The following CD22 variants were observed in gnomAD, a reference collection of about 807,000 sequenced individuals.
CD22 encodes the protein CD22 molecule, also known as B-cell receptor CD22.
In CD22, 51 loss-of-function variants were observed where a neutral mutation model predicts 94.7. The ratio of observed to expected loss-of-function variants is 0.54; its 90% confidence interval spans 0.43 to 0.68. The LOEUF is 0.68. CD22 is among the 30% of genes least tolerant of loss of function. The pLI is 0.00. For synonymous variants in CD22, 424 were observed against 422.5 expected, an observed-to-expected ratio of 1.00 and a Z score of -0.04; for missense variants, 931 against 1,060.4, an observed-to-expected ratio of 0.88 and a Z score of 1.69.
rs777598834 is a variant in CD22, at chr19:35,341,054, G to A, written c.1423G>A (p.Val475Ile). ...PSLGVLKIQNVGWDNTTIACA... is the reference protein window; with the variant it reads ...PSLGVLKIQNIGWDNTTIACA... ...GCTTGGGGTGCTGAAGATCCAAAACGTTGGCTGGGACAACACAACCATCGC... is the reference window on the plus strand; with the variant it reads ...GCTTGGGGTGCTGAAGATCCAAAACATTGGCTGGGACAACACAACCATCGC... Residue 475 changes from valine to isoleucine, a missense_variant, in exon 7 of 14, where the codon GTT (valine) becomes ATT (isoleucine). Coordinates refer to ENST00000085219, the MANE Select transcript of CD22 (RefSeq NM_001771.4). This position sits in a 1 kb window ranked among gnomAD's most constrained non-coding sequence, Gnocchi z 4.0. The A allele has an allele frequency of 1.2e-5, 20 of 1,614,080 alleles. No individual in the cohort carries two copies. Among genetic ancestry groups the A allele is most frequent in the African/African-American group, 1.1e-4 (8 of 74,938 alleles).
At position 35,338,180 on chromosome 19, in the gene CD22, C is replaced by T. The variant is rs1230198287; in HGVS notation, c.998C>T (p.Pro333Leu). 6.2e-7 allele frequency: 1 copy of T among 1,611,912 alleles called. No homozygotes were observed. The highest frequency in any genetic ancestry group is 1.7e-5 in the Admixed American group (1 of 59,952). Residue 333 changes from proline to leucine, a missense_variant, in exon 6 of 14, where the codon CCT (proline) becomes CTT (leucine). Coordinates refer to ENST00000085219, the MANE Select transcript of CD22 (RefSeq NM_001771.4). ...VFLQVQYAPE[P>L]STVQILHSPA... ...CCCCCTCTTCCAGATGCCCCGGAAC[C>T]TTCCACGGTTCAGATCCTCCACTCA...
At position 35,337,689 on chromosome 19, in the gene CD22, C is replaced by CTT; in HGVS notation, c.719-64_719-63dup. 5 of 1,435,916 alleles carry CTT rather than the reference C, an allele frequency of 3.5e-6. No individual in the cohort carries two copies. Among genetic ancestry groups the CTT allele is most frequent in the Non-Finnish European group, 3.8e-6 (4 of 1,053,468 alleles). 88.9% of individuals were successfully genotyped at this position (1,435,916 alleles called of 1,614,324 possible). ...CCATGGCTTTGTCAGAATAAAAGCA[C>CTT]TTTCCACACCCTCCACCCTCTGAGG... On this transcript the variant is annotated intron_variant, in intron 4 of 13. Coordinates refer to ENST00000085219, the MANE Select transcript of CD22 (RefSeq NM_001771.4). This position sits in a 1 kb window ranked among gnomAD's most constrained non-coding sequence, Gnocchi z 4.4.
At position 35,341,735 on chromosome 19, in the gene CD22, C is replaced by T. The variant is rs766903911; in HGVS notation, c.1805C>T (p.Pro602Leu). The T allele has an allele frequency of 4.3e-5, 70 of 1,610,910 alleles. No homozygotes were observed. Among genetic ancestry groups the T allele is most frequent in the Admixed American group, 2.8e-4 (17 of 59,992 alleles). The change falls in exon 9 of 14, where the codon CCG becomes CTG. Residue 602 changes from proline (P) to leucine (L), a missense_variant. Physicochemically the swap from Pro to Leu is moderately conservative, Grantham distance 98. Transcript: ENST00000085219. The surrounding 1 kb of genome is among the most constrained non-coding windows in gnomAD (Gnocchi z 4.0). ...AGGAGGCTGCGTGTGTCCATGAGCC[C>T]GGGGGACCAAGTGATGGAGGGGAAG... Reference protein sequence around the residue: ...APRRLRVSMSPGDQVMEGKSA... With the variant: ...APRRLRVSMSLGDQVMEGKSA...
chr19:35,338,453 G>C, intron 6 of CD22, 22 bp downstream of exon 6: 1 of 1,600,056 alleles, frequency 6.2e-7, no homozygotes, highest in Non-Finnish European at 8.5e-7. Context: ...CGGAGCCTCT[G>C]GTTCTAGGGA....
intron 9 of CD22, among the ~76,000 whole-genome samples, chr19:35,342,751 T>A (rs897571401): frequency 2.0e-5 from 3 of 152,108 alleles, no homozygotes; most frequent in Non-Finnish European, 4.4e-5. Flanking sequence ...CCTGTCTCTC[T>A]CTCTCTGACT....
At position 35,337,099 on chromosome 19, in the gene CD22, C is replaced by A. The variant is rs1409261943; in HGVS notation, c.719-656C>A. Reference sequence around the variant, plus strand: ...GTAAAAATACAAAAAATTAGCCAGGCATGATGGCAGGCGCCTGTAGTCCCA... The same window carrying A: ...GTAAAAATACAAAAAATTAGCCAGGAATGATGGCAGGCGCCTGTAGTCCCA... On this transcript the variant is annotated intron_variant, in intron 4 of 13. Coordinates refer to ENST00000085219, the MANE Select transcript of CD22 (RefSeq NM_001771.4). This position sits in a 1 kb window ranked among gnomAD's most constrained non-coding sequence, Gnocchi z 4.4. Among the ~76,000 whole-genome samples the A allele has an allele frequency of 6.6e-6, 1 of 152,056 alleles. No homozygotes were observed. Among genetic ancestry groups the A allele is most frequent in the Non-Finnish European group, 1.5e-5 (1 of 68,002 alleles).
intron 6 of CD22, 88 bp downstream of exon 6, chr19:35,338,519 T>C: frequency 7.1e-7 from 1 of 1,416,810 alleles, no homozygotes; most frequent in Non-Finnish European, 9.6e-7. Flanking sequence ...CATTCCGGGG[T>C]CCTGGAGTCA....
Position 35,345,369 on chromosome 19 carries a change from C to T in CD22, c.2209-233C>T, listed in dbSNP as rs1437210175. On this transcript the variant is annotated intron_variant, in intron 11 of 13. Coordinates refer to ENST00000085219, the MANE Select transcript of CD22 (RefSeq NM_001771.4). ...CTGGGAGGCAGAGGTTGCAGTGAGC[C>T]AAGATTGCGCCATTGCACTCCAGCC... is the stretch of plus-strand genomic sequence containing the variant. 3 of 527,430 alleles carry T rather than the reference C, an allele frequency of 5.7e-6. No homozygotes were observed. The East Asian group carries it at 9.8e-5, about 17-fold the overall frequency. The allele number at this position is 527,430 out of a possible 1,614,324, so 32.7% of individuals were successfully genotyped here. A position where few individuals can be genotyped will look rare whatever the true frequency, so the allele number is the denominator to read the frequency against.
intron 1 of CD22, among the ~76,000 whole-genome samples, chr19:35,330,163 AAAAC>A (rs533132916): frequency 6.6e-5 from 10 of 152,164 alleles, no homozygotes; most frequent in South Asian, 2.1e-4. Context: ...CATCTCTACT[AAAAC>A]AAACAAACAA....
rs1465023629 is a variant in CD22 at position 35,337,752 on chromosome 19, C to T, written c.719-3C>T. On this transcript the variant is annotated splice_polypyrimidine_tract_variant and splice_region_variant and intron_variant, in intron 4 of 13. Transcript: ENST00000085219. The surrounding 1 kb of genome is among the most constrained non-coding windows in gnomAD (Gnocchi z 4.4). ...CTCCCCGACTGCCCCTCTGCTCCTC[C>T]AGACACCCCGAAGTTGGAGATCAAG... 6.3e-7 allele frequency: 1 copy of T among 1,590,728 alleles called. No individual in the cohort carries two copies. The highest frequency in any genetic ancestry group is 1.1e-5 in the South Asian group (1 of 88,964).
intron 6 of CD22, 91 bp from the exon 7 acceptor site, chr19:35,340,790 C>T (rs934912659): frequency 4.8e-6 from 7 of 1,447,890 alleles, no homozygotes; most frequent in Admixed American, 1.7e-5. Context: ...TGCAGATGCC[C>T]GGGACAGGTA....
intron 1 of CD22, among the ~76,000 whole-genome samples, chr19:35,330,329 A>C (rs2066628166): frequency 6.6e-6 from 1 of 151,742 alleles, no homozygotes; most frequent in South Asian, 2.1e-4. Context: ...GAAGAATGAG[A>C]CTCTGTCTCA....
In CD22 at chr19:35,341,145, C is replaced by G. The variant is rs758394183; in HGVS notation, c.1507+7C>G. 7.4e-6 allele frequency: 12 copies of G among 1,613,848 alleles called. No individual in the cohort carries two copies. The highest frequency in any genetic ancestry group is 3.3e-4 in the Middle Eastern group (2 of 6,052). ...GTCGCCCTGAATGTCCAGTGTGAGT[C>G]CCTGGGCTAGGCAGGGGGATCTGGG... On this transcript the variant is annotated splice_region_variant and intron_variant, in intron 7 of 13. Transcript: ENST00000085219. The surrounding 1 kb of genome is among the most constrained non-coding windows in gnomAD (Gnocchi z 4.0).
At position 35,342,110 on chromosome 19, in the gene CD22, C is replaced by CCTTCTT. The variant is rs200495704; in HGVS notation, c.2035+157_2035+162dup. ...TTCTTCCCCTCCTCCTCCTCTTCCT[C>CCTTCTT]CTTCTTCTTCTTCTTCTGCTTTCTC... On this transcript the variant is annotated intron_variant, in intron 9 of 13. Transcript: ENST00000085219. The CCTTCTT allele has an allele frequency of 2.4e-4, 163 of 665,666 alleles. No individual in the cohort carries two copies. The African/African-American group carries it at 2.6e-3, about 10-fold the overall frequency. 41.2% of individuals were successfully genotyped at this position (665,666 alleles called of 1,614,324 possible). A position where few individuals can be genotyped will look rare whatever the true frequency, so the allele number is the denominator to read the frequency against.
Position 35,332,785 on chromosome 19 carries a change from G to A in CD22, c.273G>A (p.Arg91=). ...KDGKVPSEQK[R]VQFLGDKNKN... is the part of the protein sequence containing the mutation. ...GGAAGGTTCCTTCTGAGCAGAAAAG[G>A]GTGCAATTCCTGGGAGACAAGAATA... The change falls in exon 3 of 14, where the codon AGG becomes AGA. Residue 91 remains arginine, a synonymous_variant. Transcript: ENST00000085219. The A allele has an allele frequency of 7.4e-6, 12 of 1,614,148 alleles. No individual in the cohort carries two copies. Among genetic ancestry groups the A allele is most frequent in the Non-Finnish European group, 1.0e-5 (12 of 1,180,026 alleles).
intron 1 of CD22, chr19:35,330,914 A>G (rs1310841271): frequency 1.3e-5 from 2 of 151,996 alleles, no homozygotes; most frequent in African/African-American, 2.4e-5. Flanking sequence ...AGCTCTGTAC[A>G]TTTTTAGTTT....
rs769076669 is a variant in CD22, at chr19:35,346,976, C to G, written c.*279C>G. On this transcript the variant is annotated 3_prime_UTR_variant, in exon 14 of 14. Transcript: ENST00000085219. The stretch of plus-strand genomic sequence containing the variant: ...CCATCTAAATACCTGCCCTGACATG[C>G]ACACCTCCCCCTGCCCCCACCACGG... 2.9e-6 allele frequency: 1 copy of G among 347,240 alleles called. No homozygotes were observed. The highest frequency in any genetic ancestry group is 5.3e-6 in the Non-Finnish European group (1 of 188,948). The allele number at this position is 347,240 out of a possible 1,614,324, so 21.5% of individuals were successfully genotyped here. A position where few individuals can be genotyped will look rare whatever the true frequency, so the allele number is the denominator to read the frequency against.
At chr19:35,345,437 A>AG in intron 11 of CD22, 165 bp from the exon 12 acceptor site, 1 of 550,904 alleles carries the variant, frequency 1.8e-6, no homozygotes, top group East Asian at 3.1e-5. Flanking sequence ...AAAAAAAAAA[A>AG]AAAAAAAAGG....
In CD22 at chr19:35,332,847, A is replaced by G. The variant is rs746036345; in HGVS notation, c.335A>G (p.Asn112Ser). The G allele has an allele frequency of 1.9e-6, 3 of 1,614,184 alleles. No homozygotes were observed. The highest frequency in any genetic ancestry group is 2.2e-5 in the East Asian group (1 of 44,888). The change falls in exon 3 of 14, where the codon AAT becomes AGT. Residue 112 changes from asparagine to serine, a missense_variant. By Grantham distance (46) the Asn-to-Ser change is conservative. Coordinates refer to ENST00000085219, the MANE Select transcript of CD22 (RefSeq NM_001771.4). The part of the protein sequence containing the change: ...CTLSIHPVHL[N>S]DSGQLGLRME... ...CTGAGTATCCACCCGGTGCACCTCA[A>G]TGACAGTGGTCAGCTGGGGCTGAGG...
Sources: gnomAD v4.1 joint callset for allele counts (sites outside exome capture counted in the v4.1 genomes callset) on GRCh38, gnomAD v4.1.1 for gene constraint, Gnocchi (gnomAD v3.1) non-coding constraint, MANE v1.5 for transcripts, NCBI Gene and HGNC (gene_info 2026-07-23, HGNC 2026-07-21) for gene names.